Variants in AFDN observed in about 807,000 individuals in gnomAD.
The protein encoded by AFDN is afadin.
Under a neutral mutation model 216.6 loss-of-function variants are expected in AFDN, and 68 were observed. The observed-to-expected ratio is 0.31, with a 90% CI of 0.26 to 0.38. AFDN has a LOEUF of 0.38. AFDN is among the 10% of genes least tolerant of loss of function. AFDN has a pLI of 1.00. For missense variants in AFDN, 2,136 were observed against 2,342.0 expected, an observed-to-expected ratio of 0.91 and a Z score of 1.82; for synonymous variants, 868 against 853.7, an observed-to-expected ratio of 1.02 and a Z score of -0.29.
intron 30 of AFDN, chr6:167,952,630 C>A (rs1282916158): frequency 8.9e-6 from 3 of 338,846 alleles, no homozygotes; most frequent in Non-Finnish European, 1.3e-5. Flanking sequence ...AAAGCAGCCA[C>A]AGGCACAAGT....
intron 31 of AFDN, chr6:167,964,118 A>G: frequency 5.6e-6 from 6 of 1,064,114 alleles, no homozygotes; most frequent in Non-Finnish European, 6.8e-6. Context: ...ATGTGTTTTC[A>G]TAACTCATGA....
intron 28 of AFDN, 91 bp from the exon 29 acceptor site, chr6:167,948,202 T>A: frequency 8.9e-7 from 1 of 1,127,948 alleles, no homozygotes; most frequent in Non-Finnish European, 1.2e-6. Flanking sequence ...TAACATATAC[T>A]ATTTTTTAAA....
chr6:167,970,166 T>C lies in AFDN; in HGVS notation c.*231T>C, dbSNP rs572274986. On this transcript the variant is annotated 3_prime_UTR_variant, in exon 34 of 34. Transcript: ENST00000683244. ...TAAACACTGTCTAGTTTCTTAATTA[T>C]CTAACTCACACGAGGGTAAGTTTTT... The C allele has an allele frequency of 3.5e-5, 16 of 455,008 alleles. No homozygotes were observed. The South Asian group carries it at 5.0e-4, about 14-fold the overall frequency. The allele number at this position is 455,008 out of a possible 1,614,324, so 28.2% of individuals were successfully genotyped here. A position where few individuals can be genotyped will look rare whatever the true frequency, so the allele number is the denominator to read the frequency against.
chr6:167,827,101 C>T lies in AFDN; in HGVS notation c.-32C>T, dbSNP rs1395909263. ...TCCTCGGCCCGTCCTCCGGCCCCGG[C>T]CCCGCGCGGCTGAGGAGGCGCGGCC... On this transcript the variant is annotated 5_prime_UTR_variant, in exon 1 of 34. Transcript: ENST00000683244. 18 of 1,184,574 alleles carry T rather than the reference C, an allele frequency of 1.5e-5. No homozygotes were observed. The highest frequency in any genetic ancestry group is 7.6e-5 in the East Asian group (1 of 13,222). 73.4% of individuals were successfully genotyped at this position (1,184,574 alleles called of 1,614,324 possible).
chr6:167,874,772 C>T (rs141088320), intron 4 of AFDN, among the ~76,000 whole-genome samples: 1,687 of 152,102 alleles, frequency 0.011, 39 homozygotes, highest in African/African-American at 0.039. Flanking sequence ...TTTGCCACCA[C>T]GCTCGGCTAA....
chr6:167,918,052 G>T (rs898918665), intron 20 of AFDN, among the ~76,000 whole-genome samples: 1 of 152,190 alleles, frequency 6.6e-6, no homozygotes, highest in African/African-American at 2.4e-5. Context: ...TGAAGGAGAA[G>T]GAGGGGACAG....
chr6:167,924,815 G>C, intron 22 of AFDN, 190 bp from the exon 23 acceptor site: 1 of 613,190 alleles, frequency 1.6e-6, no homozygotes. Context: ...CAAGAATATC[G>C]ATTTAGTTTA....
chr6:167,911,025 G>C, intron 13 of AFDN, 76 bp from the exon 14 acceptor site: 1 of 1,239,910 alleles, frequency 8.1e-7, no homozygotes, highest in South Asian at 1.3e-5. Flanking sequence ...AGTAGTTGCA[G>C]AAATCTACAC....
In AFDN at chr6:167,922,850, CCTT is replaced by C. The variant is rs1222961235; in HGVS notation, c.2909-5_2909-3del. On this transcript the variant is annotated splice_region_variant and splice_polypyrimidine_tract_variant and intron_variant, in intron 21 of 33. Transcript: ENST00000683244. ...TTCACTTACAATTTGCTTGTTTCCT[CCTT>C]AGGATTTTGCAGGTTAATTCCTCAC... 2 of 1,597,278 alleles carry C rather than the reference CCTT, an allele frequency of 1.3e-6. No individual in the cohort carries two copies. The highest frequency in any genetic ancestry group is 3.4e-5 in the Admixed American group (2 of 59,174).
At chr6:167,949,566 A>C (rs1433062154) in intron 29 of AFDN, among the ~76,000 whole-genome samples, 1 of 152,166 alleles carries the variant, frequency 6.6e-6, no homozygotes, top group South Asian at 2.1e-4. Flanking sequence ...GATCACCTGC[A>C]ACGGCCCAGT....
At chr6:167,964,173 TG>T in intron 31 of AFDN, 1 of 1,063,710 alleles carries the variant, frequency 9.4e-7, no homozygotes. Flanking sequence ...TATAATTAAG[TG>T]GTCACTGTAA....
At position 167,971,792 on chromosome 6, in the gene AFDN, T is replaced by C. The variant is rs1306607862; in HGVS notation, c.*1857T>C. ...TGGGCAGTGAGGTCAAATGTGAATA[T>C]GTGTAAAAGTGCTTTTCAGAACTGC... On this transcript the variant is annotated 3_prime_UTR_variant, in exon 34 of 34. Transcript: ENST00000683244. 4.8e-6 allele frequency: 1 copy of C among 206,742 alleles called. No individual in the cohort carries two copies. The highest frequency in any genetic ancestry group is 9.9e-6 in the Non-Finnish European group (1 of 101,254). 12.8% of individuals were successfully genotyped at this position (206,742 alleles called of 1,614,324 possible). A position where few individuals can be genotyped will look rare whatever the true frequency, so the allele number is the denominator to read the frequency against.
At chr6:167,833,422 T>C (rs765844804) in intron 1 of AFDN, among the ~76,000 whole-genome samples, 2 of 152,148 alleles carry the variant, frequency 1.3e-5, no homozygotes, top group Non-Finnish European at 2.9e-5. Context: ...ATTGGCTGAG[T>C]GGTGCAGTGG....
intron 1 of AFDN, among the ~76,000 whole-genome samples, chr6:167,838,279 T>A (rs768220533): frequency 1.3e-5 from 2 of 151,654 alleles, no homozygotes; most frequent in Non-Finnish European, 1.5e-5. Flanking sequence ...GCATTGGCTG[T>A]GACGCTGCGC....
At chr6:167,883,663 G>T (rs1000557180) in intron 6 of AFDN, among the ~76,000 whole-genome samples, 2 of 152,140 alleles carry the variant, frequency 1.3e-5, no homozygotes, top group African/African-American at 4.8e-5. Context: ...AAGAAAAAAT[G>T]GACCTACCTT....
intron 6 of AFDN, among the ~76,000 whole-genome samples, chr6:167,884,225 C>G (rs1338437829): frequency 6.6e-6 from 1 of 152,230 alleles, no homozygotes; most frequent in African/African-American, 2.4e-5. Flanking sequence ...ACTTCCTTCA[C>G]TAAAGTCTTG....
chr6:167,893,863 G>C lies in AFDN; in HGVS notation c.1179G>C (p.Gly393=). 6.3e-7 allele frequency: 1 copy of C among 1,586,690 alleles called. No homozygotes were observed. Among genetic ancestry groups the C allele is most frequent in the Admixed American group, 1.8e-5 (1 of 56,318 alleles). The change falls in exon 9 of 34, where the codon GGG becomes GGC. Residue 393 remains glycine (G), a splice_region_variant and synonymous_variant. Coordinates refer to ENST00000683244, the MANE Select transcript of AFDN (RefSeq NM_001386888.1). ...KLPYLVELSP[G]RRNHFAYYNY... ...TCCTGGCATGTGTCTTAACCCCAGG[G>C]AGAAGGAATCACTTTGCCTACTACA...
chr6:167,880,643 A>G (rs1785996473), intron 6 of AFDN, 126 bp downstream of exon 6: 2 of 901,700 alleles, frequency 2.2e-6, no homozygotes, highest in Non-Finnish European at 3.4e-6. Context: ...TTTACAAATC[A>G]TGTGCTAAAT....
intron 19 of AFDN, among the ~76,000 whole-genome samples, chr6:167,916,186 T>C (rs1276522723): frequency 6.6e-6 from 1 of 152,202 alleles, no homozygotes; most frequent in Non-Finnish European, 1.5e-5. Context: ...ATCATCCCAG[T>C]CCCTGCCTTT....
Sources: allele counts gnomAD v4.1 joint callset (sites outside exome capture counted in the v4.1 genomes callset), GRCh38; gene constraint gnomAD v4.1.1; transcripts MANE v1.5; gene names NCBI Gene and HGNC (gene_info 2026-07-23, HGNC 2026-07-21).